Variants in ZIM2 observed in about 807,000 individuals in gnomAD.
The protein encoded by ZIM2 is zinc finger imprinted 2.
ZIM2 carries 14 observed loss-of-function variants against 38.6 expected under a neutral mutation model. The ratio of observed to expected loss-of-function variants is 0.36; its 90% CI spans 0.24 to 0.57. ZIM2 has a LOEUF of 0.57. Among genes scored for constraint, ZIM2 ranks in the 20% least tolerant of loss-of-function variants. ZIM2 has a pLI of 0.81. For missense variants in ZIM2, 680 were observed against 695.1 expected, an observed-to-expected ratio of 0.98 and a Z score of 0.24; for synonymous variants, 247 against 245.8, an observed-to-expected ratio of 1.00 and a Z score of -0.04.
chr19:56,779,350 AC>A lies in ZIM2; in HGVS notation c.835+26del, dbSNP rs963916071. On this transcript the variant is annotated intron_variant, in intron 12 of 12. Coordinates refer to ENST00000629319, the MANE Select transcript of ZIM2 (RefSeq NM_001387356.1). ...AGCATTTACTGGTTCCCCCTCCTAC[AC>A]CCCGGGCTTCCCCCTCACTACTCAC... 8.7e-6 allele frequency: 14 copies of A among 1,610,800 alleles called. 1 individual carries two copies. The highest frequency in any genetic ancestry group is 2.2e-5 in the East Asian group (1 of 44,782).
chr19:56,816,464 T>C, intron 9 of ZIM2: 1 of 1,613,762 alleles, frequency 6.2e-7, no homozygotes, highest in Non-Finnish European at 8.5e-7. Context: ...TCACACACTT[T>C]ACCCTTGTTT....
At position 56,808,344 on chromosome 19, in the gene ZIM2, C is replaced by G. The variant is rs565172332; in HGVS notation, c.490+9402G>C. Among the ~76,000 whole-genome samples, 4 of 152,136 alleles carry G rather than the reference C, an allele frequency of 2.6e-5. No individual in the cohort carries two copies. The South Asian group carries it at 8.3e-4, about 32-fold the overall frequency. On this transcript the variant is annotated intron_variant, in intron 9 of 12. Transcript: ENST00000629319. ...ACTACTTTGGTTTGAGAGTAGTCTC[C>G]CCAGATTTTTTCTGTACTCCTTGCT...
Position 56,782,146 on chromosome 19 carries a change from C to T in ZIM2, c.571-25G>A, listed in dbSNP as rs773902303. The stretch of plus-strand genomic sequence containing the variant: ...ACTATCCCAGAGAGAGGAGAAGGGA[C>T]GTGATTAGAGAGGACTGAACATGAT... On this transcript the variant is annotated intron_variant, in intron 10 of 12. Transcript: ENST00000629319. 1.1e-5 allele frequency: 17 copies of T among 1,609,048 alleles called. 1 individual carries two copies. Among genetic ancestry groups the T allele is most frequent in the South Asian group, 9.9e-5 (9 of 90,468 alleles).
chr19:56,800,450 A>T (rs552207030), intron 9 of ZIM2, among the ~76,000 whole-genome samples: 8 of 152,322 alleles, frequency 5.3e-5, no homozygotes, highest in South Asian at 2.1e-4. Flanking sequence ...TTGCTTCCTG[A>T]GTTTTCACTA....
Position 56,774,606 on chromosome 19 carries a change from G to A in ZIM2, c.*82C>T. ...TCAAGTTGTTAACAAGGTGGGGCTA[G>A]TGAAAGGCCTTCTCACACTCACAAC... On this transcript the variant is annotated 3_prime_UTR_variant, in exon 13 of 13. Coordinates refer to ENST00000629319, the MANE Select transcript of ZIM2 (RefSeq NM_001387356.1). The A allele has an allele frequency of 6.6e-7, 1 of 1,511,474 alleles. No individual in the cohort carries two copies. The allele number at this position is 1,511,474 out of a possible 1,614,324, so 93.6% of individuals were successfully genotyped here.
chr19:56,824,225 C>T (rs747985814), intron 4 of ZIM2, 37 bp downstream of exon 4: 1 of 1,601,454 alleles, frequency 6.2e-7, no homozygotes, highest in Non-Finnish European at 8.5e-7. Flanking sequence ...ACACCTGAGG[C>T]CTGCACTGAC....
At chr19:56,833,614 C>A in intron 2 of ZIM2, 1 of 176,758 alleles carries the variant, frequency 5.7e-6, no homozygotes. Flanking sequence ...AGAAGAGTTG[C>A]CTAGGGTGCT....
chr19:56,776,006 CAGG>C (rs767905278), intron 12 of ZIM2, among the ~76,000 whole-genome samples: 6 of 148,610 alleles, frequency 4.0e-5, no homozygotes, highest in Non-Finnish European at 8.9e-5. Flanking sequence ...GAGGATGAGG[CAGG>C]AGAATCGCTT....
chr19:56,776,223 G>A (rs1009576531), intron 12 of ZIM2, among the ~76,000 whole-genome samples: 14 of 152,192 alleles, frequency 9.2e-5, no homozygotes, highest in Admixed American at 2.6e-4. Context: ...AGAGTAGAAT[G>A]AGCAGAAATC....
At chr19:56,838,063 A>G (rs2062394437) in intron 1 of ZIM2, among the ~76,000 whole-genome samples, 1 of 152,178 alleles carries the variant, frequency 6.6e-6, no homozygotes. Context: ...TGGCACCTGC[A>G]CAGTACACCG....
At chr19:56,798,698 T>C (rs2047348332) in intron 9 of ZIM2, 1 of 152,154 alleles carries the variant, frequency 6.6e-6, no homozygotes, top group Admixed American at 6.5e-5. Context: ...GAGAAAATTT[T>C]TGCAGTATAT....
At position 56,790,162 on chromosome 19, in the gene ZIM2, C is replaced by T. The variant is rs1024731615; in HGVS notation, c.491-211G>A. 5 of 402,514 alleles carry T rather than the reference C, an allele frequency of 1.2e-5. No homozygotes were observed. In the South Asian group the frequency reaches 4.3e-4, roughly 35 times the overall value. 24.9% of individuals were successfully genotyped at this position (402,514 alleles called of 1,614,324 possible). ...GGTTATTTCCCAGCTCTAAATGCTTCAATGGCTCCCACTGCCTTCCAAATA... is the reference window on the plus strand; with the variant it reads ...GGTTATTTCCCAGCTCTAAATGCTTTAATGGCTCCCACTGCCTTCCAAATA... On this transcript the variant is annotated intron_variant, in intron 9 of 12. Transcript: ENST00000629319.
chr19:56,811,177 C>T (rs1466280274), intron 9 of ZIM2: 1 of 976,442 alleles, frequency 1.0e-6, no homozygotes, highest in East Asian at 1.1e-4. Flanking sequence ...AAAATGTGAT[C>T]ATAAACTTTT....
intron 9 of ZIM2, chr19:56,810,965 C>T: frequency 1.2e-5 from 12 of 970,762 alleles, no homozygotes; most frequent in South Asian, 4.8e-5. Context: ...AGTATTTAAC[C>T]ATAATTCCAC....
rs1382202820 is a variant in ZIM2, at chr19:56,779,467, G to A, written c.745C>T (p.Gln249Ter). The change falls in exon 12 of 13, where the codon CAG (glutamine) becomes TAG (stop). Residue 249 changes from glutamine to a stop codon, truncating the protein, a stop_gained. Transcript: ENST00000629319. LOFTEE classifies it high-confidence loss of function. The part of the protein sequence containing the change: ...NYRNLVSLGH[Q>*]FSKPDIISRL... ...GAGATAATGTCAGGTTTAGAGAACT[G>A]GTGCCCTGTTGGAGAGGAAGACTGA... 1 of 1,613,598 alleles carries A rather than the reference G, an allele frequency of 6.2e-7. No homozygotes were observed. Among genetic ancestry groups the A allele is most frequent in the African/African-American group, 1.3e-5 (1 of 74,886 alleles).
intron 10 of ZIM2, 27 bp downstream of exon 10, chr19:56,789,845 A>C (rs779736153): frequency 1.3e-6 from 2 of 1,510,668 alleles, no homozygotes; most frequent in Non-Finnish European, 1.8e-6. Flanking sequence ...ATATTTGATA[A>C]CCATGTCAGA....
intron 2 of ZIM2, among the ~76,000 whole-genome samples, chr19:56,834,717 A>G (rs921671866): frequency 6.6e-6 from 1 of 152,090 alleles, no homozygotes; most frequent in Non-Finnish European, 1.5e-5. Flanking sequence ...TGAGGCCAGG[A>G]ATACACCAAC....
Position 56,818,458 on chromosome 19 carries a change from T to A in ZIM2, c.397+142A>T, listed in dbSNP as rs2060186246. ...ACAAATTTTATCATTTACTCCCTCA[T>A]TTGAAATCTTTCAAAGATTTCTTAT... On this transcript the variant is annotated intron_variant, in intron 8 of 12. Transcript: ENST00000629319. 4.4e-6 allele frequency: 4 copies of A among 907,704 alleles called. No homozygotes were observed. In the East Asian group the frequency reaches 1.0e-4, roughly 23 times the overall value. The allele number at this position is 907,704 out of a possible 1,614,324, so 56.2% of individuals were successfully genotyped here. A position where few individuals can be genotyped will look rare whatever the true frequency, so the allele number is the denominator to read the frequency against.
intron 9 of ZIM2, chr19:56,813,688 G>A: frequency 6.2e-7 from 1 of 1,613,084 alleles, no homozygotes; most frequent in South Asian, 1.1e-5. Flanking sequence ...GCCAGTGTGG[G>A]TATTCTGGTG....
Sources: allele counts gnomAD v4.1 joint callset (sites outside exome capture counted in the v4.1 genomes callset), GRCh38; gene constraint gnomAD v4.1.1; transcripts MANE v1.5; gene names NCBI Gene and HGNC (gene_info 2026-07-23, HGNC 2026-07-21).